Variants in BMPER observed in about 807,000 individuals in gnomAD.
BMPER encodes the protein BMP-binding endothelial regulator protein.
A neutral mutation model predicts 87.3 loss-of-function variants in BMPER; 45 were observed. The ratio of observed to expected loss-of-function variants is 0.52; its 90% CI spans 0.41 to 0.66. The LOEUF (loss-of-function observed/expected upper bound fraction) is 0.66. Among genes scored for constraint, BMPER ranks in the 30% least tolerant of loss-of-function variants. BMPER has a pLI of 0.00. For synonymous variants in BMPER, 326 were observed against 316.2 expected (o/e 1.03, Z -0.33); for missense variants, 784 against 867.5 (o/e 0.90, Z 1.21).
chr7:33,928,881 C>T (rs139352339), intron 2 of BMPER, among the ~76,000 whole-genome samples: 19 of 152,198 alleles, frequency 1.2e-4, no homozygotes, highest in African/African-American at 3.9e-4. Context: ...ATCAGAACAT[C>T]GTCTTTGTAG....
chr7:34,063,646 T>C (rs1788500442), intron 11 of BMPER, among the ~76,000 whole-genome samples: 1 of 152,194 alleles, frequency 6.6e-6, no homozygotes, highest in South Asian at 2.1e-4. Flanking sequence ...TTAGCTATGA[T>C]TAACACACCA....
chr7:33,931,049 G>T (rs965004759), intron 2 of BMPER, among the ~76,000 whole-genome samples: 4 of 152,090 alleles, frequency 2.6e-5, no homozygotes, highest in African/African-American at 7.2e-5. Context: ...TAGAACCTTG[G>T]CTTAAAGTCT....
chr7:33,938,717 C>T (rs1784673272), intron 3 of BMPER, among the ~76,000 whole-genome samples: 1 of 152,158 alleles, frequency 6.6e-6, no homozygotes. Context: ...TTGATCTCAT[C>T]ACCTCATTTG....
intron 6 of BMPER, among the ~76,000 whole-genome samples, chr7:33,976,897 A>T (rs1453274000): frequency 6.6e-6 from 1 of 152,218 alleles, no homozygotes; most frequent in African/African-American, 2.4e-5. Context: ...GATGAATGAA[A>T]CACCAAGTTT....
intron 6 of BMPER, among the ~76,000 whole-genome samples, chr7:34,006,455 A>G (rs911807753): frequency 5.9e-5 from 9 of 152,092 alleles, no homozygotes; most frequent in Admixed American, 5.9e-4. Context: ...ATTTGCCAAA[A>G]GAGAGGAAGA....
chr7:33,973,717 C>T (rs567807887), intron 5 of BMPER, among the ~76,000 whole-genome samples: 92 of 152,170 alleles, frequency 6.0e-4, no homozygotes, highest in Admixed American at 1.5e-3. Flanking sequence ...TAAGTTTTGC[C>T]CACTGCTAGC....
At chr7:33,906,085 A>C (rs915990394) in intron 1 of BMPER, among the ~76,000 whole-genome samples, 29 of 152,228 alleles carry the variant, frequency 1.9e-4, no homozygotes, top group African/African-American at 7.0e-4. Flanking sequence ...TTTTCCGCAC[A>C]TCTTCCTTTC....
intron 13 of BMPER, among the ~76,000 whole-genome samples, chr7:34,131,245 C>T (rs897679986): frequency 4.6e-5 from 7 of 151,986 alleles, no homozygotes; most frequent in Admixed American, 1.3e-4. Context: ...CCTCTTGGGA[C>T]GGGTAGCACC....
At chr7:34,058,013 C>T (rs897999353) in intron 9 of BMPER, 46 bp from the exon 10 acceptor site, 2 of 1,570,742 alleles carry the variant, frequency 1.3e-6, no homozygotes, top group African/African-American at 2.7e-5. Flanking sequence ...GCCTCAACTC[C>T]TGTCAGCCTC....
upstream of BMPER, chr7:33,905,359 G>GAAAAAAAA (rs34276608): frequency 5.5e-3 from 1,368 of 249,810 alleles, 8 homozygotes; most frequent in African/African-American, 0.02. Context: ...ACTCCCTCAG[G>GAAAAAAAA]AAAAAAAAAA....
intron 6 of BMPER, among the ~76,000 whole-genome samples, chr7:33,978,332 G>T (rs1785747247): frequency 6.6e-6 from 1 of 152,208 alleles, no homozygotes; most frequent in Non-Finnish European, 1.5e-5. Context: ...AGAACTGTGA[G>T]AAATAAATTC....
chr7:34,142,284 T>C (rs560186051), intron 13 of BMPER, among the ~76,000 whole-genome samples: 126 of 152,362 alleles, frequency 8.3e-4, no homozygotes, highest in African/African-American at 2.9e-3. Context: ...TTTAATTTGC[T>C]CTTTTCCACT....
chr7:33,985,975 A>C (rs1786001076), intron 6 of BMPER, among the ~76,000 whole-genome samples: 1 of 152,268 alleles, frequency 6.6e-6, no homozygotes, highest in Non-Finnish European at 1.5e-5. Context: ...TCAAATCTTG[A>C]TCCAAATATA....
At chr7:34,055,400 T>A in intron 9 of BMPER, 97 bp downstream of exon 9, 1 of 1,456,336 alleles carries the variant, frequency 6.9e-7, no homozygotes. Context: ...CCATAATTTC[T>A]ATATACATAT....
At chr7:33,945,993 G>T (rs1784884840) in intron 3 of BMPER, among the ~76,000 whole-genome samples, 1 of 152,032 alleles carries the variant, frequency 6.6e-6, no homozygotes, top group Non-Finnish European at 1.5e-5. Context: ...GCAGGGGGAA[G>T]GTGTTTTAGT....
intron 2 of BMPER, among the ~76,000 whole-genome samples, chr7:33,929,754 T>A (rs1784438147): frequency 6.6e-6 from 1 of 152,240 alleles, no homozygotes; most frequent in African/African-American, 2.4e-5. Flanking sequence ...TGATGGGAAG[T>A]AAATCAGTGC....
intron 13 of BMPER, among the ~76,000 whole-genome samples, chr7:34,113,722 G>C (rs1343622716): frequency 6.6e-6 from 1 of 152,096 alleles, no homozygotes; most frequent in Non-Finnish European, 1.5e-5. Context: ...GCTTCTAATA[G>C]TAAGTGTGAT....
At chr7:33,970,908 G>A (rs1785528126) in intron 5 of BMPER, among the ~76,000 whole-genome samples, 1 of 152,252 alleles carries the variant, frequency 6.6e-6, no homozygotes, top group Non-Finnish European at 1.5e-5. Context: ...AGAGGGCCCT[G>A]CTTCCTAGCT....
rs1790512640 is a variant in BMPER, at chr7:34,129,622, G to GAA, written c.1746-13607_1746-13606insAA. On this transcript the variant is annotated intron_variant, in intron 13 of 14. Transcript: ENST00000649409. Reference sequence around the variant, plus strand: ...AGAGAGAGAGAGAAAGAGAGAGAGAGAGAAAGAGAGAAAGAAAGAAAGAAA... The same window carrying GAA: ...AGAGAGAGAGAGAAAGAGAGAGAGAGAAAGAAAGAGAGAAAGAAAGAAAGAAA... 1.3e-4 allele frequency among the ~76,000 whole-genome samples: 9 copies of GAA among 67,152 alleles called. No individual in the cohort carries two copies. In the East Asian group the frequency reaches 2.8e-3, roughly 21 times the overall value. The allele number at this position is 67,152 out of a possible 152,430, so 44.1% of individuals were successfully genotyped here.
Sources: gnomAD v4.1 joint callset for allele counts (sites outside exome capture counted in the v4.1 genomes callset) on GRCh38, gnomAD v4.1.1 for gene constraint, MANE v1.5 for transcripts, NCBI Gene and HGNC (gene_info 2026-07-23, HGNC 2026-07-21) for gene names.